The following SUCO variants were observed in gnomAD, a reference collection of about 807,000 sequenced individuals.
SUCO encodes the protein SUN domain-containing ossification factor.
In SUCO, 57 loss-of-function variants were observed where a neutral mutation model predicts 148.1. That is an observed-to-expected ratio of 0.38 (90% CI 0.31 to 0.48). The LOEUF is 0.48. Among genes scored for constraint, SUCO ranks in the 20% least tolerant of loss-of-function variants. The pLI, the probability that SUCO is intolerant of heterozygous loss-of-function variation, is 0.96. For synonymous variants in SUCO, 470 were observed against 502.7 expected, an observed-to-expected ratio of 0.93 and a Z score of 0.87; for missense variants, 1,331 against 1,468.2, an observed-to-expected ratio of 0.91 and a Z score of 1.53.
chr1:172,595,558 A>G (rs1197704239), intron 19 of SUCO, among the ~76,000 whole-genome samples: 2 of 152,264 alleles, frequency 1.3e-5, no homozygotes, highest in Admixed American at 6.5e-5. Context: ...CTGGATATGA[A>G]GTTCTGGGTT....
chr1:172,568,926 C>T (rs1179211043), intron 6 of SUCO, 93 bp from the exon 7 acceptor site: 19 of 1,211,358 alleles, frequency 1.6e-5, no homozygotes, highest in Non-Finnish European at 2.1e-5. Flanking sequence ...TAAATTGGAA[C>T]TTTAATTTGA....
rs1043592472 is a variant in SUCO, at chr1:172,559,770, A to G, written c.732+1976A>G. 6.6e-5 allele frequency among the ~76,000 whole-genome samples: 10 copies of G among 152,346 alleles called. No homozygotes were observed. In the East Asian group the frequency reaches 1.9e-3, roughly 29 times the overall value. Reference sequence around the variant, plus strand: ...GGGGTAGTAACTTTTGGGTGTTGCCATGGAAAGAGGTGGTAACTTCCAGGT... The same window carrying G: ...GGGGTAGTAACTTTTGGGTGTTGCCGTGGAAAGAGGTGGTAACTTCCAGGT... On this transcript the variant is annotated intron_variant, in intron 6 of 23. Transcript: ENST00000263688.
In SUCO at chr1:172,610,235, T is replaced by TA; in HGVS notation, c.3742dup (p.Thr1248AsnfsTer41). The TA allele has an allele frequency of 6.3e-7, 1 of 1,598,900 alleles. No individual in the cohort carries two copies. The highest frequency in any genetic ancestry group is 1.1e-5 in the South Asian group (1 of 88,272). On this transcript the variant is annotated frameshift_variant, in exon 24 of 24. Coordinates refer to ENST00000263688, the MANE Select transcript of SUCO (RefSeq NM_014283.5). LOFTEE classifies it high-confidence loss of function. ...AGATCACCGTGGGAACATTTGGTGT[T>TA]ACAGCAGTCTCGGGACATATCTAAA...
chr1:172,609,695 T>C, intron 23 of SUCO, 121 bp from the exon 24 acceptor site: 2 of 1,469,832 alleles, frequency 1.4e-6, no homozygotes, highest in Non-Finnish European at 1.8e-6. Flanking sequence ...CTGTGCTGTT[T>C]ATAATACTGT....
At chr1:172,565,589 C>G (rs1654492304) in intron 6 of SUCO, among the ~76,000 whole-genome samples, 1 of 152,140 alleles carries the variant, frequency 6.6e-6, no homozygotes, top group South Asian at 2.1e-4. Context: ...CTAGTGCACC[C>G]CGGGTGCAGC....
At chr1:172,585,722 A>AT (rs1342397237) in intron 16 of SUCO, 136 bp from the exon 17 acceptor site, 2 of 621,512 alleles carry the variant, frequency 3.2e-6, no homozygotes, top group Non-Finnish European at 5.8e-6. Context: ...AAGAACTTTG[A>AT]TTTTTTAAGA....
chr1:172,577,061 A>G, intron 11 of SUCO: 1 of 747,930 alleles, frequency 1.3e-6, no homozygotes. Flanking sequence ...TATAATATAC[A>G]AGTATAAATA....
intron 6 of SUCO, among the ~76,000 whole-genome samples, chr1:172,559,861 G>T (rs376749923): frequency 7.7e-4 from 117 of 152,182 alleles, no homozygotes; most frequent in African/African-American, 2.8e-3. Context: ...ATTTGCTTCC[G>T]TCTGGGACCT....
chr1:172,608,134 C>T (rs1050500789), intron 22 of SUCO: 12 of 961,532 alleles, frequency 1.2e-5, no homozygotes, highest in Admixed American at 6.2e-5. Flanking sequence ...ATCTAATTTA[C>T]TCACTATGCC....
In SUCO at chr1:172,557,808, T is replaced by TTG. The variant is rs774842487; in HGVS notation, c.732+15_732+16dup. 3 of 1,567,492 alleles carry TTG rather than the reference T, an allele frequency of 1.9e-6. No individual in the cohort carries two copies. Among genetic ancestry groups the TTG allele is most frequent in the East Asian group, 4.5e-5 (2 of 44,354 alleles). ...TTAAAAAATGAGGTAGGTATATAAC[T>TTG]TGCACTATCTCTTACTTCTTTATGT... On this transcript the variant is annotated intron_variant, in intron 6 of 23. Coordinates refer to ENST00000263688, the MANE Select transcript of SUCO (RefSeq NM_014283.5).
At chr1:172,535,563 G>A (rs1651949643) in intron 1 of SUCO, among the ~76,000 whole-genome samples, 1 of 152,174 alleles carries the variant, frequency 6.6e-6, no homozygotes. Flanking sequence ...CTGCAATCTG[G>A]TGTGGTATTT....
intron 17 of SUCO, chr1:172,588,388 T>G: frequency 1.0e-6 from 1 of 985,218 alleles, no homozygotes; most frequent in South Asian, 4.7e-5. Context: ...TTCTGATGTG[T>G]AAGGGATAGT....
intron 19 of SUCO, among the ~76,000 whole-genome samples, chr1:172,592,869 G>A (rs1656772483): frequency 6.6e-6 from 1 of 152,174 alleles, no homozygotes; most frequent in African/African-American, 2.4e-5. Context: ...ATCTTGGGCA[G>A]TATGGCCATT....
chr1:172,560,373 T>A (rs1654062885), intron 6 of SUCO, among the ~76,000 whole-genome samples: 1 of 152,234 alleles, frequency 6.6e-6, no homozygotes, highest in African/African-American at 2.4e-5. Flanking sequence ...TCTCAACCTG[T>A]CTGGAGTTGT....
In SUCO at chr1:172,533,340, C is replaced by T. The variant is rs1396791072; in HGVS notation, c.-96C>T. 14 of 1,551,528 alleles carry T rather than the reference C, an allele frequency of 9.0e-6. No homozygotes were observed. The East Asian group carries it at 1.5e-4, about 16-fold the overall frequency. On this transcript the variant is annotated 5_prime_UTR_variant, in exon 1 of 24. Coordinates refer to ENST00000263688, the MANE Select transcript of SUCO (RefSeq NM_014283.5). Reference sequence around the variant, plus strand: ...AGCCCTTAGGACTATCGGTCACATTCTCGCGCTCCTGCTCCGGCTCCTCCA... The same window carrying T: ...AGCCCTTAGGACTATCGGTCACATTTTCGCGCTCCTGCTCCGGCTCCTCCA...
intron 1 of SUCO, among the ~76,000 whole-genome samples, chr1:172,546,682 G>A (rs1435803018): frequency 2.0e-5 from 3 of 152,202 alleles, no homozygotes; most frequent in African/African-American, 4.8e-5. Context: ...GCCAAGGCGG[G>A]TGGATCACTT....
intron 19 of SUCO, among the ~76,000 whole-genome samples, chr1:172,596,877 C>T (rs867225067): frequency 1.4e-4 from 22 of 152,090 alleles, no homozygotes; most frequent in Middle Eastern, 3.2e-3. Flanking sequence ...CTATGCCCTG[C>T]CCCCAGAGAC....
At chr1:172,532,545 C>T, upstream of SUCO, 7 of 1,613,856 alleles carry the variant, frequency 4.3e-6, no homozygotes, top group Non-Finnish European at 5.9e-6. Context: ...TCCATTGCCA[C>T]AGGGAAAGGG....
chr1:172,574,032 T>C, intron 10 of SUCO, 34 bp downstream of exon 10: 2 of 1,245,306 alleles, frequency 1.6e-6, no homozygotes, highest in Non-Finnish European at 2.3e-6. Context: ...AGGGTCTATG[T>C]TGGATCTCTG....
Sources: allele counts gnomAD v4.1 joint callset (sites outside exome capture counted in the v4.1 genomes callset), GRCh38; gene constraint gnomAD v4.1.1; transcripts MANE v1.5; gene names NCBI Gene and HGNC (gene_info 2026-07-23, HGNC 2026-07-21).